The following WFDC13 variants were observed in gnomAD, a reference collection of about 807,000 sequenced individuals.
The protein encoded by WFDC13 is WAP four-disulfide core domain protein 13.
In WFDC13, 6 loss-of-function variants were observed where a neutral mutation model predicts 10.9. The observed-to-expected ratio is 0.55, with a 90% CI of 0.30 to 1.09. The LOEUF (loss-of-function observed/expected upper bound fraction) is 1.09. WFDC13 is among the 50% of genes least tolerant of loss of function. WFDC13 has a pLI of 0.06. For missense variants in WFDC13, 104 were observed against 109.6 expected, an observed-to-expected ratio of 0.95 and a Z score of 0.23; for synonymous variants, 38 against 39.5, an observed-to-expected ratio of 0.96 and a Z score of 0.14.
At chr20:45,704,331 A>G in intron 1 of WFDC13, 113 bp from the exon 2 acceptor site, 1 of 1,427,518 alleles carries the variant, frequency 7.0e-7, no homozygotes, top group Non-Finnish European at 9.4e-7. Context: ...CCCTGGAACC[A>G]TGCAAGGCAG....
At chr20:45,705,814 A>G in intron 2 of WFDC13, 49 bp from the exon 3 acceptor site, 1 of 1,557,052 alleles carries the variant, frequency 6.4e-7, no homozygotes, top group East Asian at 2.3e-5. Flanking sequence ...ATATATCTCT[A>G]AAAGTAAAAC....
chr20:45,704,867 C>T, intron 2 of WFDC13: 2 of 1,585,362 alleles, frequency 1.3e-6, no homozygotes, highest in Non-Finnish European at 1.7e-6. Flanking sequence ...TGCCTTTATC[C>T]ACAGACCTTC....
At position 45,702,207 on chromosome 20, in the gene WFDC13, T is replaced by C. The variant is rs1984190614; in HGVS notation, c.84T>C (p.Val28=). ...QLVPGSPKQR[V]LKYILEPPPC... ...TGCCTGGGAGTCCCAAGCAGCGTGTTCTGAGTAGGTGCTGGATCTGGGCCC... is the reference window on the plus strand; with the variant it reads ...TGCCTGGGAGTCCCAAGCAGCGTGTCCTGAGTAGGTGCTGGATCTGGGCCC... The change falls in exon 1 of 4, where the codon GTT becomes GTC. Residue 28 remains valine, a synonymous_variant. Transcript: ENST00000305479. The C allele has an allele frequency of 6.2e-7, 1 of 1,611,644 alleles. No individual in the cohort carries two copies. Among genetic ancestry groups the C allele is most frequent in the African/African-American group, 1.3e-5 (1 of 74,878 alleles).
intron 1 of WFDC13, among the ~76,000 whole-genome samples, chr20:45,703,231 A>G (rs1342066841): frequency 6.6e-6 from 1 of 152,146 alleles, no homozygotes; most frequent in Admixed American, 6.5e-5. Flanking sequence ...TTGAGCCCCA[A>G]GCTCTTCAAA....
At chr20:45,705,115 G>A (rs1284403517) in intron 2 of WFDC13, 1 of 903,858 alleles carries the variant, frequency 1.1e-6, no homozygotes, top group African/African-American at 1.6e-5. Context: ...GCAGAGAAAG[G>A]ACATAGGGTG....
rs529790462 is a variant in WFDC13 at position 45,703,984 on chromosome 20, CA to C, written c.89-459del. Among the ~76,000 whole-genome samples the C allele has an allele frequency of 3.4e-3, 525 of 152,322 alleles. 3 individuals are homozygous for C. The highest frequency in any genetic ancestry group is 0.012 in the African/African-American group (499 of 41,568). On this transcript the variant is annotated intron_variant, in intron 1 of 3. Coordinates refer to ENST00000305479, the MANE Select transcript of WFDC13 (RefSeq NM_172005.2). ...CCTTTACCAAAACTTACCTTTCACT[CA>C]TTCTTCCTGTACACAAATAACCCAT...
chr20:45,707,370 A>G (rs1984437642), intron 3 of WFDC13, among the ~76,000 whole-genome samples: 1 of 152,196 alleles, frequency 6.6e-6, no homozygotes, highest in South Asian at 2.1e-4. Context: ...TCTTACATAC[A>G]GGTTGGCTAT....
intron 3 of WFDC13, among the ~76,000 whole-genome samples, chr20:45,707,443 T>C (rs1984441081): frequency 6.6e-6 from 1 of 152,226 alleles, no homozygotes; most frequent in South Asian, 2.1e-4. Flanking sequence ...CGAGAGGCTA[T>C]TTAAATGTTA....
At chr20:45,707,570 C>T (rs1393519901) in intron 3 of WFDC13, among the ~76,000 whole-genome samples, 7 of 152,192 alleles carry the variant, frequency 4.6e-5, no homozygotes, top group Admixed American at 4.6e-4. Flanking sequence ...ATTATAAATA[C>T]AGAACACAGA....
At chr20:45,705,707 T>C (rs1181694489) in intron 2 of WFDC13, among the ~76,000 whole-genome samples, 156 bp from the exon 3 acceptor site, 1 of 151,940 alleles carries the variant, frequency 6.6e-6, no homozygotes, top group Admixed American at 6.5e-5. Context: ...TATAACTCTT[T>C]GGTGTCATTG....
chr20:45,705,670 C>G (rs1465340111), intron 2 of WFDC13, among the ~76,000 whole-genome samples, 193 bp from the exon 3 acceptor site: 1 of 152,214 alleles, frequency 6.6e-6, no homozygotes, highest in Non-Finnish European at 1.5e-5. Context: ...TCTTTCAATG[C>G]TCTACATTGG....
chr20:45,705,527 A>G (rs1329902689), intron 2 of WFDC13, among the ~76,000 whole-genome samples: 1 of 152,242 alleles, frequency 6.6e-6, no homozygotes, highest in Non-Finnish European at 1.5e-5. Flanking sequence ...AGACTGGAAC[A>G]ATAATAGTGA....
chr20:45,702,097 A>T lies in WFDC13; in HGVS notation c.-27A>T. On this transcript the variant is annotated 5_prime_UTR_variant, in exon 1 of 4. Coordinates refer to ENST00000305479, the MANE Select transcript of WFDC13 (RefSeq NM_172005.2). Reference sequence around the variant, plus strand: ...GTCAAACCCAGCAACCCTTGGCCAGAACTTACTCACCCATCCCACTGACAC... The same window carrying T: ...GTCAAACCCAGCAACCCTTGGCCAGTACTTACTCACCCATCCCACTGACAC... 1 of 1,607,064 alleles carries T rather than the reference A, an allele frequency of 6.2e-7. No homozygotes were observed. Among genetic ancestry groups the T allele is most frequent in the South Asian group, 1.1e-5 (1 of 89,394 alleles).
Position 45,704,220 on chromosome 20 carries a change from T to C in WFDC13, c.89-224T>C, listed in dbSNP as rs115399750. 2.0e-3 allele frequency among the ~76,000 whole-genome samples: 304 copies of C among 152,208 alleles called. 1 individual carries two copies. Among genetic ancestry groups the C allele is most frequent in the African/African-American group, 6.9e-3 (286 of 41,516 alleles). The stretch of plus-strand genomic sequence containing the variant: ...TGGTGAATGACCAATGGGTGCAGGG[T>C]TCTACCAAACTCTGTTCTTGATCAA... On this transcript the variant is annotated intron_variant, in intron 1 of 3. Coordinates refer to ENST00000305479, the MANE Select transcript of WFDC13 (RefSeq NM_172005.2).
chr20:45,704,679 G>A, intron 2 of WFDC13, 85 bp downstream of exon 2: 2 of 1,511,862 alleles, frequency 1.3e-6, no homozygotes, highest in South Asian at 2.6e-5. Flanking sequence ...AACTGTGCTG[G>A]ATCTCTCCTT....
chr20:45,704,689 T>A (rs77046815), intron 2 of WFDC13, 95 bp downstream of exon 2: 1 of 636,370 alleles, frequency 1.6e-6, no homozygotes, highest in Non-Finnish European at 1.9e-6. Context: ...GATCTCTCCT[T>A]TTTTTTTTTT....
chr20:45,702,187 G>A lies in WFDC13; in HGVS notation c.64G>A (p.Gly22Arg). 1 of 1,613,036 alleles carries A rather than the reference G, an allele frequency of 6.2e-7. No homozygotes were observed. The highest frequency in any genetic ancestry group is 8.5e-7 in the Non-Finnish European group (1 of 1,179,632). ...CTGCCTAGCACTGCAGCTGGTGCCT[G>A]GGAGTCCCAAGCAGCGTGTTCTGAG... is the stretch of plus-strand genomic sequence containing the variant. ...VFCLALQLVP[G>R]SPKQRVLKYI... The change falls in exon 1 of 4, where the codon GGG (glycine) becomes AGG (arginine). Residue 22 changes from glycine to arginine, a missense_variant. Gly to Arg is a moderately radical substitution (Grantham distance 125, BLOSUM62 -2). Coordinates refer to ENST00000305479, the MANE Select transcript of WFDC13 (RefSeq NM_172005.2).
rs561052467 is a variant in WFDC13 at position 45,704,649 on chromosome 20, C to T, written c.239+55C>T. 4.7e-5 allele frequency: 75 copies of T among 1,591,656 alleles called. 1 individual carries two copies. In the South Asian group the frequency reaches 8.6e-4, roughly 18 times the overall value. On this transcript the variant is annotated intron_variant, in intron 2 of 3. Transcript: ENST00000305479. ...CCTAGAGCTGCTGGTGGGAGCCCAGCAGAAGAGTCCCTTACCAGCAACTGT... is the reference window on the plus strand; with the variant it reads ...CCTAGAGCTGCTGGTGGGAGCCCAGTAGAAGAGTCCCTTACCAGCAACTGT...
intron 3 of WFDC13, among the ~76,000 whole-genome samples, chr20:45,706,831 G>A (rs1203856865): frequency 6.6e-6 from 1 of 152,038 alleles, no homozygotes; most frequent in African/African-American, 2.4e-5. Context: ...CTTCAAGAAT[G>A]GTGAACAAAA....
Sources: allele counts gnomAD v4.1 joint callset (sites outside exome capture counted in the v4.1 genomes callset), GRCh38; gene constraint gnomAD v4.1.1; transcripts MANE v1.5; gene names NCBI Gene and HGNC (gene_info 2026-07-23, HGNC 2026-07-21).